The following EPHA6 variants were observed in gnomAD, a reference collection of about 807,000 sequenced individuals.
The protein encoded by EPHA6 is ephrin type-A receptor 6.
In EPHA6, 50 loss-of-function variants were observed where a neutral mutation model predicts 112.0. The observed-to-expected ratio is 0.45, with a 90% confidence interval of 0.36 to 0.56. The LOEUF is 0.56. EPHA6 is among the 20% of genes least tolerant of loss of function. The probability of loss-of-function intolerance (pLI) is 0.00; values close to 1 mark genes in which losing one functional copy is unlikely to be tolerated. For missense variants in EPHA6, 1,280 were observed against 1,417.4 expected, an observed-to-expected ratio of 0.90 and a Z score of 1.56; for synonymous variants, 529 against 490.7, an observed-to-expected ratio of 1.08 and a Z score of -1.03.
intron 12 of EPHA6, among the ~76,000 whole-genome samples, chr3:97,598,995 T>G (rs2093619637): frequency 6.6e-6 from 1 of 152,132 alleles, no homozygotes; most frequent in Admixed American, 6.5e-5. Context: ...GTGGTTTTGA[T>G]TTGCATTTCT....
At chr3:97,641,451 A>G (rs573436696) in intron 14 of EPHA6, among the ~76,000 whole-genome samples, 1 of 152,312 alleles carries the variant, frequency 6.6e-6, no homozygotes, top group African/African-American at 2.4e-5. Flanking sequence ...AGATGGCTGA[A>G]TAGGAATAGC....
chr3:97,285,547 G>A (rs1201046085), intron 5 of EPHA6, among the ~76,000 whole-genome samples: 1 of 151,882 alleles, frequency 6.6e-6, no homozygotes, highest in East Asian at 1.9e-4. Context: ...CTGCATAATT[G>A]CTGCACATAA....
chr3:97,674,432 A>G (rs181549438), intron 14 of EPHA6, among the ~76,000 whole-genome samples: 1 of 152,324 alleles, frequency 6.6e-6, no homozygotes, highest in African/African-American at 2.4e-5. Flanking sequence ...TAATTTTCCT[A>G]TTTAGGAAAT....
intron 14 of EPHA6, among the ~76,000 whole-genome samples, chr3:97,698,731 C>T (rs182890017): frequency 3.9e-5 from 6 of 152,258 alleles, no homozygotes; most frequent in African/African-American, 7.2e-5. Flanking sequence ...ATGTGGCCCT[C>T]GACAATTTTC....
At chr3:97,724,270 G>A (rs2034656321) in intron 15 of EPHA6, among the ~76,000 whole-genome samples, 1 of 152,058 alleles carries the variant, frequency 6.6e-6, no homozygotes. Flanking sequence ...ATCTGTTTTA[G>A]TGAATAATAT....
chr3:96,893,944 T>C (rs1000635383), intron 2 of EPHA6, among the ~76,000 whole-genome samples: 2 of 152,216 alleles, frequency 1.3e-5, no homozygotes, highest in Non-Finnish European at 2.9e-5. Flanking sequence ...TTAGAAACTC[T>C]AGATAAGCTG....
At chr3:97,190,728 G>T (rs2077279625) in intron 3 of EPHA6, among the ~76,000 whole-genome samples, 1 of 151,840 alleles carries the variant, frequency 6.6e-6, no homozygotes, top group Admixed American at 6.6e-5. Context: ...TTGTGGAGGG[G>T]AGCGGGGAGG....
chr3:97,272,220 A>G (rs184406919), intron 5 of EPHA6, among the ~76,000 whole-genome samples: 1 of 152,252 alleles, frequency 6.6e-6, no homozygotes, highest in African/African-American at 2.4e-5. Context: ...CATTTAGCAT[A>G]ATGTCCTCCA....
intron 3 of EPHA6, among the ~76,000 whole-genome samples, chr3:97,034,842 C>A (rs1314277816): frequency 6.6e-6 from 1 of 151,814 alleles, no homozygotes; most frequent in African/African-American, 2.4e-5. Context: ...TCTTGTACTT[C>A]CTTTTGAACT....
intron 14 of EPHA6, among the ~76,000 whole-genome samples, chr3:97,681,572 A>C (rs2031865078): frequency 6.6e-6 from 1 of 152,254 alleles, no homozygotes; most frequent in South Asian, 2.1e-4. Context: ...GATCTCCCAA[A>C]CATATTATTT....
At chr3:97,747,330 A>G (rs2035760766) in intron 16 of EPHA6, 93 bp from the exon 17 acceptor site, 1 of 1,107,664 alleles carries the variant, frequency 9.0e-7, no homozygotes, top group Admixed American at 3.6e-5. Context: ...TAGATGTAAG[A>G]ATATTGTAAA....
chr3:97,701,782 C>G (rs2033407253), intron 14 of EPHA6, among the ~76,000 whole-genome samples: 1 of 152,002 alleles, frequency 6.6e-6, no homozygotes, highest in African/African-American at 2.4e-5. Context: ...AGATTTATCT[C>G]TAATCCTTTC....
intron 14 of EPHA6, among the ~76,000 whole-genome samples, chr3:97,689,844 T>C (rs1246658095): frequency 6.6e-6 from 1 of 152,206 alleles, no homozygotes; most frequent in African/African-American, 2.4e-5. Flanking sequence ...TACAAATCTT[T>C]CTGTGTTTTC....
At chr3:97,187,015 T>A (rs1471813007) in intron 3 of EPHA6, among the ~76,000 whole-genome samples, 1 of 152,136 alleles carries the variant, frequency 6.6e-6, no homozygotes, top group Non-Finnish European at 1.5e-5. Flanking sequence ...AACACCATAC[T>A]TTTATAACCA....
At chr3:96,913,194 A>ACACACACACAC (rs2039309911) in intron 2 of EPHA6, among the ~76,000 whole-genome samples, 1 of 137,702 alleles carries the variant, frequency 7.3e-6, no homozygotes, top group Admixed American at 7.9e-5. Context: ...ACACACACAC[A>ACACACACACAC]CACACACACA....
intron 5 of EPHA6, among the ~76,000 whole-genome samples, chr3:97,363,215 T>A (rs1407715232): frequency 4.2e-5 from 3 of 72,006 alleles, no homozygotes; most frequent in African/African-American, 2.9e-4. Flanking sequence ...TATATATATA[T>A]ATATATATAT....
At chr3:97,321,792 A>T (rs1033055231) in intron 5 of EPHA6, among the ~76,000 whole-genome samples, 11 of 152,116 alleles carry the variant, frequency 7.2e-5, no homozygotes, top group Admixed American at 7.2e-4. Context: ...TTATTTGTTA[A>T]CTATAGACTA....
In EPHA6 at chr3:97,610,873, A is replaced by G; in HGVS notation, c.2574+19A>G. 1.3e-6 allele frequency: 2 copies of G among 1,579,662 alleles called. No homozygotes were observed. Among genetic ancestry groups the G allele is most frequent in the South Asian group, 1.1e-5 (1 of 89,714 alleles). The stretch of plus-strand genomic sequence containing the variant: ...TTTGCGGGTGAGGTGTTCTTTTCTG[A>G]TGGCATTTAAATAAGCTATTCTCAG... On this transcript the variant is annotated intron_variant, in intron 13 of 17. Coordinates refer to ENST00000389672, the MANE Select transcript of EPHA6 (RefSeq NM_001080448.3).
chr3:97,655,567 G>T (rs1024448198), intron 14 of EPHA6, among the ~76,000 whole-genome samples: 2 of 151,866 alleles, frequency 1.3e-5, no homozygotes, highest in African/African-American at 4.8e-5. Context: ...TTGCTATTGT[G>T]AATAGTGCCG....
Sources: gnomAD v4.1 joint callset for allele counts (sites outside exome capture counted in the v4.1 genomes callset) on GRCh38, gnomAD v4.1.1 for gene constraint, MANE v1.5 for transcripts, NCBI Gene and HGNC (gene_info 2026-07-23, HGNC 2026-07-21) for gene names.